DOCK10: variants seen among roughly 807,000 people sequenced by gnomAD.
The protein encoded by DOCK10 is dedicator of cytokinesis protein 10.
DOCK10 carries 145 observed loss-of-function variants against 280.1 expected under a neutral mutation model. The observed-to-expected ratio is 0.52, with a 90% CI of 0.45 to 0.59. The LOEUF is 0.59. Ranked by LOEUF, DOCK10 falls within the 20% of genes least tolerant of loss-of-function variation. The pLI is 0.00. For synonymous variants in DOCK10, 915 were observed against 942.2 expected, an observed-to-expected ratio of 0.97 and a Z score of 0.53; for missense variants, 2,368 against 2,651.7, an observed-to-expected ratio of 0.89 and a Z score of 2.35.
rs550889355 is a variant in DOCK10, at chr2:224,841,836, A to G, written c.2629T>C (p.Ser877Pro). Residue 877 changes from serine (S) to proline (P), a missense_variant, in exon 23 of 56, where the codon TCA becomes CCA. Physicochemically the swap from Ser to Pro is moderately conservative, Grantham distance 74. Around this residue, in one of 2 missense-constraint regions of DOCK10, gnomAD observed 1,209 missense variants for 1,250.9 expected, o/e 0.97. Transcript: ENST00000258390. ...GAGCGGATGAAATTTGAGGTAGGTG[A>G]CTGAGACATATCTTTCTCTCTTTTT... ...CQKREKDMSQ[S>P]PTSNFIRSCK... 2 of 1,613,434 alleles carry G rather than the reference A, an allele frequency of 1.2e-6. No homozygotes were observed. The highest frequency in any genetic ancestry group is 2.2e-5 in the East Asian group (1 of 44,860).
chr2:224,963,649 G>A (rs941535899), intron 1 of DOCK10, among the ~76,000 whole-genome samples: 2 of 152,196 alleles, frequency 1.3e-5, no homozygotes, highest in African/African-American at 4.8e-5. Context: ...TAAATGACGA[G>A]AACGTGATGC....
At chr2:224,776,484 C>G (rs1690873585) in intron 51 of DOCK10, among the ~76,000 whole-genome samples, 1 of 152,078 alleles carries the variant, frequency 6.6e-6, no homozygotes, top group Admixed American at 6.5e-5. Flanking sequence ...AGGAGAGCCA[C>G]TAATAAAGTA....
chr2:224,917,086 G>A (rs1294183011), intron 2 of DOCK10, among the ~76,000 whole-genome samples: 1 of 129,422 alleles, frequency 7.7e-6, no homozygotes, highest in African/African-American at 2.9e-5. Flanking sequence ...CAATTTAGCT[G>A]ATTTCTATTG....
intron 1 of DOCK10, among the ~76,000 whole-genome samples, chr2:225,007,153 G>A (rs191084174): frequency 3.3e-5 from 5 of 152,318 alleles, no homozygotes; most frequent in Admixed American, 2.0e-4. Context: ...GCAGGTACTA[G>A]TGCAGATCAC....
intron 19 of DOCK10, among the ~76,000 whole-genome samples, chr2:224,848,171 G>A (rs1254628237): frequency 6.6e-6 from 1 of 152,170 alleles, no homozygotes; most frequent in Non-Finnish European, 1.5e-5. Context: ...CTGCAAGCTC[G>A]ATTTTAGCCC....
intron 1 of DOCK10, among the ~76,000 whole-genome samples, chr2:224,968,765 T>C (rs1478621085): frequency 6.6e-6 from 1 of 152,102 alleles, no homozygotes; most frequent in Non-Finnish European, 1.5e-5. Flanking sequence ...CATAAACGAG[T>C]CTTTATCCAG....
At chr2:224,918,338 T>C (rs1272469873) in intron 2 of DOCK10, among the ~76,000 whole-genome samples, 2 of 142,216 alleles carry the variant, frequency 1.4e-5, no homozygotes, top group African/African-American at 4.9e-5. Context: ...GTGTGGGGTG[T>C]GTGTGTGTGA....
At chr2:224,778,380 T>G (rs1691026168) in intron 50 of DOCK10, 96 bp from the exon 51 acceptor site, 1 of 1,284,490 alleles carries the variant, frequency 7.8e-7, no homozygotes, top group Non-Finnish European at 1.1e-6. Context: ...CATATACAGT[T>G]TTTGGTTGTC....
chr2:224,881,320 A>G (rs560329977), intron 7 of DOCK10, among the ~76,000 whole-genome samples: 1 of 152,068 alleles, frequency 6.6e-6, no homozygotes, highest in African/African-American at 2.4e-5. Flanking sequence ...AGCCACACCT[A>G]TTTTCAGAGT....
chr2:224,985,579 T>C (rs1705951241), intron 1 of DOCK10, among the ~76,000 whole-genome samples: 1 of 147,708 alleles, frequency 6.8e-6, no homozygotes, highest in South Asian at 2.1e-4. Flanking sequence ...GAGAAAGACA[T>C]GTAGGAAGAA....
intron 1 of DOCK10, among the ~76,000 whole-genome samples, chr2:224,938,472 C>T (rs1199607066): frequency 1.3e-5 from 2 of 152,134 alleles, no homozygotes; most frequent in African/African-American, 4.8e-5. Context: ...CATCTTGACA[C>T]ACGGACAAGC....
At chr2:224,775,421 G>T (rs1227333039) in intron 51 of DOCK10, among the ~76,000 whole-genome samples, 1 of 152,020 alleles carries the variant, frequency 6.6e-6, no homozygotes, top group Admixed American at 6.6e-5. Context: ...TGTAATGAAT[G>T]TTCAATCGCC....
At chr2:224,824,978 A>G (rs1040959715) in intron 27 of DOCK10, among the ~76,000 whole-genome samples, 1 of 126,960 alleles carries the variant, frequency 7.9e-6, no homozygotes, top group Non-Finnish European at 1.6e-5. Context: ...GCTGGCTTCT[A>G]TTTTTTTTTT....
intron 46 of DOCK10, 44 bp downstream of exon 46, chr2:224,793,356 T>C (rs368770746): frequency 5.5e-6 from 8 of 1,461,308 alleles, no homozygotes; most frequent in Non-Finnish European, 7.6e-6. Context: ...GGCTTCAATG[T>C]GTTGATATCT....
chr2:225,014,140 C>A (rs952937528), intron 1 of DOCK10, among the ~76,000 whole-genome samples: 35 of 118,354 alleles, frequency 3.0e-4, no homozygotes, highest in African/African-American at 9.7e-4. Flanking sequence ...TCATCAGAAA[C>A]AAAATGCCTT....
chr2:224,864,034 T>C (rs1322898480), intron 13 of DOCK10, among the ~76,000 whole-genome samples: 2 of 152,254 alleles, frequency 1.3e-5, no homozygotes, highest in Non-Finnish European at 2.9e-5. Flanking sequence ...TTTATCCACA[T>C]TTGAATTTAT....
rs545320285 is a variant in DOCK10, at chr2:224,975,482, G to A, written c.124-43814C>T. Among the ~76,000 whole-genome samples the A allele has an allele frequency of 5.9e-5, 9 of 152,270 alleles. No individual in the cohort carries two copies. The East Asian group carries it at 1.5e-3, about 26-fold the overall frequency. ...AAATGAAATAGAAACATTAGCTCAGGATTTAGAGATTCTGGAAATTGTTTC... is the reference window on the plus strand; with the variant it reads ...AAATGAAATAGAAACATTAGCTCAGAATTTAGAGATTCTGGAAATTGTTTC... On this transcript the variant is annotated intron_variant, in intron 1 of 55. Transcript: ENST00000258390.
At position 225,042,077 on chromosome 2, in the gene DOCK10, T is replaced by C. The variant is rs1044512374; in HGVS notation, c.123+175A>G. ...CCCGGTCCTTACGCGTCGGTGGCGCTGCCTCGCTGAGGTGGCGCCGGGGGA... is the reference window on the plus strand; with the variant it reads ...CCCGGTCCTTACGCGTCGGTGGCGCCGCCTCGCTGAGGTGGCGCCGGGGGA... On this transcript the variant is annotated intron_variant, in intron 1 of 55. Transcript: ENST00000258390. This position sits in a 1 kb window ranked among gnomAD's most constrained non-coding sequence, Gnocchi z 5.1. 3.5e-4 allele frequency among the ~76,000 whole-genome samples: 53 copies of C among 152,106 alleles called. No homozygotes were observed. The highest frequency in any genetic ancestry group is 1.3e-3 in the African/African-American group (53 of 41,434).
intron 1 of DOCK10, among the ~76,000 whole-genome samples, chr2:224,968,383 G>A (rs1301755665): frequency 6.6e-6 from 1 of 152,230 alleles, no homozygotes; most frequent in African/African-American, 2.4e-5. Context: ...TGTGGGGCCT[G>A]AGGAAGCTCA....
Sources: allele counts gnomAD v4.1 joint callset (sites outside exome capture counted in the v4.1 genomes callset), GRCh38; gene constraint gnomAD v4.1.1; regional missense constraint gnomAD v4.1.1; non-coding constraint Gnocchi (gnomAD v3.1); transcripts MANE v1.5; gene names NCBI Gene and HGNC (gene_info 2026-07-23, HGNC 2026-07-21).